Variants in NELL1 observed in about 807,000 individuals in gnomAD.
The protein encoded by NELL1 is neural EGFL like 1, also known as protein kinase C-binding protein NELL1.
Under a neutral mutation model 107.4 loss-of-function variants are expected in NELL1, and 76 were observed. The ratio of observed to expected loss-of-function variants is 0.71; its 90% CI spans 0.59 to 0.86. The LOEUF is 0.86. Among genes scored for constraint, NELL1 ranks in the 40% least tolerant of loss-of-function variants. NELL1 has a pLI of 0.00. For synonymous variants in NELL1, 353 were observed against 341.2 expected (o/e 1.03, Z -0.38); for missense variants, 1,024 against 1,005.5 (o/e 1.02, Z -0.25).
chr11:20,818,391 G>A (rs898509351), intron 3 of NELL1, among the ~76,000 whole-genome samples: 8 of 141,128 alleles, frequency 5.7e-5, no homozygotes, highest in Non-Finnish European at 1.1e-4. Context: ...TCCCATATAA[G>A]AGAAGCAACC....
intron 5 of NELL1, among the ~76,000 whole-genome samples, chr11:20,910,813 A>G (rs1439125285): frequency 6.6e-6 from 1 of 152,244 alleles, no homozygotes; most frequent in African/African-American, 2.4e-5. Flanking sequence ...TGAATGTACC[A>G]GTTATGAATT....
chr11:21,376,141 G>A (rs904043889), intron 15 of NELL1, among the ~76,000 whole-genome samples: 2 of 75,084 alleles, frequency 2.7e-5, no homozygotes, highest in Admixed American at 2.5e-4. Context: ...GTCCATAGTG[G>A]TGTTTTCTAG....
At chr11:21,213,530 CAATTG>C (rs1191116465) in intron 13 of NELL1, among the ~76,000 whole-genome samples, 1 of 151,782 alleles carries the variant, frequency 6.6e-6, no homozygotes, top group African/African-American at 2.4e-5. Flanking sequence ...TCAATTGAAT[CAATTG>C]AATTGAATTT....
At chr11:20,786,547 C>A (rs1284720174) in intron 3 of NELL1, among the ~76,000 whole-genome samples, 1 of 151,794 alleles carries the variant, frequency 6.6e-6, no homozygotes, top group Non-Finnish European at 1.5e-5. Flanking sequence ...TGGAGGGTAT[C>A]CAAGTTACAT....
At chr11:21,460,917 T>G (rs1201798240) in intron 15 of NELL1, among the ~76,000 whole-genome samples, 1 of 152,076 alleles carries the variant, frequency 6.6e-6, no homozygotes. Flanking sequence ...ACATTGTGAT[T>G]GGGGTAATAT....
chr11:20,859,151 C>T (rs904407142), intron 4 of NELL1, among the ~76,000 whole-genome samples: 1 of 152,202 alleles, frequency 6.6e-6, no homozygotes, highest in Non-Finnish European at 1.5e-5. Context: ...CTGCACCACC[C>T]TTCCAACAGC....
intron 2 of NELL1, among the ~76,000 whole-genome samples, chr11:20,694,412 A>G (rs537697988): frequency 6.6e-6 from 1 of 152,076 alleles, no homozygotes; most frequent in African/African-American, 2.4e-5. Flanking sequence ...TTATATTTAA[A>G]TCTTTAATCC....
intron 12 of NELL1, among the ~76,000 whole-genome samples, chr11:21,066,962 T>G (rs1180623285): frequency 3.4e-5 from 5 of 146,302 alleles, no homozygotes; most frequent in African/African-American, 1.3e-4. Context: ...GCAAAAAAAT[T>G]TAAAAAGTAA....
intron 14 of NELL1, among the ~76,000 whole-genome samples, chr11:21,321,407 G>A (rs1387383175): frequency 6.6e-6 from 1 of 152,030 alleles, no homozygotes; most frequent in Non-Finnish European, 1.5e-5. Flanking sequence ...GAGGGTGGGG[G>A]GCTGCGCGGA....
intron 14 of NELL1, among the ~76,000 whole-genome samples, chr11:21,259,566 G>T (rs1334167140): frequency 1.3e-5 from 2 of 151,922 alleles, no homozygotes; most frequent in East Asian, 3.9e-4. Context: ...GCAATAGACA[G>T]ACTGGGGTCG....
chr11:21,104,672 T>C (rs778098618), intron 12 of NELL1, among the ~76,000 whole-genome samples: 8 of 152,222 alleles, frequency 5.3e-5, no homozygotes, highest in Non-Finnish European at 1.2e-4. Context: ...TCAACACATC[T>C]GCTTGACGCA....
intron 4 of NELL1, among the ~76,000 whole-genome samples, chr11:20,851,257 T>C (rs1848790094): frequency 6.6e-6 from 1 of 152,196 alleles, no homozygotes; most frequent in Non-Finnish European, 1.5e-5. Flanking sequence ...ATTGTACAAA[T>C]TGTCACAAGA....
intron 3 of NELL1, among the ~76,000 whole-genome samples, chr11:20,825,262 C>T (rs1001016855): frequency 1.3e-5 from 2 of 151,406 alleles, no homozygotes; most frequent in African/African-American, 2.4e-5. Context: ...GAGTCAGAGC[C>T]TCCACACACA....
chr11:21,017,602 C>A (rs1294104744), intron 12 of NELL1, among the ~76,000 whole-genome samples: 1 of 151,542 alleles, frequency 6.6e-6, no homozygotes, highest in Non-Finnish European at 1.5e-5. Context: ...AACTGAAAAA[C>A]AAACATACCT....
chr11:21,290,485 A>G (rs1849230682), intron 14 of NELL1, among the ~76,000 whole-genome samples: 1 of 152,180 alleles, frequency 6.6e-6, no homozygotes, highest in Admixed American at 6.5e-5. Flanking sequence ...CACAGTTCTC[A>G]ACCTCTGCTA....
chr11:20,851,841 G>C (rs546581564), intron 4 of NELL1, among the ~76,000 whole-genome samples: 1 of 152,322 alleles, frequency 6.6e-6, no homozygotes, highest in East Asian at 1.9e-4. Context: ...CCCTCACAGT[G>C]ATTGGGCCTA....
At chr11:20,806,316 C>T (rs1857384386) in intron 3 of NELL1, among the ~76,000 whole-genome samples, 1 of 150,932 alleles carries the variant, frequency 6.6e-6, no homozygotes. Context: ...TATACTATTC[C>T]AGAATAAAAG....
intron 12 of NELL1, among the ~76,000 whole-genome samples, chr11:21,033,601 G>C (rs1400187648): frequency 6.6e-6 from 1 of 152,014 alleles, no homozygotes; most frequent in Non-Finnish European, 1.5e-5. Flanking sequence ...GTATTCCATA[G>C]TGTATATGTA....
intron 15 of NELL1, among the ~76,000 whole-genome samples, chr11:21,403,873 A>G (rs1852158477): frequency 6.6e-6 from 1 of 151,764 alleles, no homozygotes; most frequent in Non-Finnish European, 1.5e-5. Context: ...CTATTTAGCT[A>G]TCTCCATCAA....
Sources: gnomAD v4.1 joint callset for allele counts (sites outside exome capture counted in the v4.1 genomes callset) on GRCh38, gnomAD v4.1.1 for gene constraint, MANE v1.5 for transcripts, NCBI Gene and HGNC (gene_info 2026-07-23, HGNC 2026-07-21) for gene names.